KIAA0930: variants seen among roughly 807,000 people sequenced by gnomAD.
KIAA0930 encodes KIAA0930, also known as uncharacterized protein KIAA0930.
Under a neutral mutation model 43.9 loss-of-function variants are expected in KIAA0930, and 24 were observed. That is an observed-to-expected ratio of 0.55 (90% CI 0.40 to 0.77). The LOEUF is 0.77. Among genes scored for constraint, KIAA0930 ranks in the 30% least tolerant of loss-of-function variants. KIAA0930 has a pLI of 0.00. For synonymous variants in KIAA0930, 259 were observed against 216.4 expected (o/e 1.20, Z -1.73); for missense variants, 461 against 574.2 (o/e 0.80, Z 2.02).
At chr22:45,233,877 C>A (rs183992742) in intron 1 of KIAA0930, among the ~76,000 whole-genome samples, 41 of 152,322 alleles carry the variant, frequency 2.7e-4, no homozygotes, top group Admixed American at 2.7e-3. Flanking sequence ...CTTGGCCCTG[C>A]CTAGCCCAGC....
In KIAA0930 at chr22:45,193,531, T is replaced by A. The variant is rs1012718832; in HGVS notation, c.*3645A>T. 2.0e-5 allele frequency: 3 copies of A among 152,190 alleles called. No homozygotes were observed. Among genetic ancestry groups the A allele is most frequent in the Non-Finnish European group, 4.4e-5 (3 of 68,030 alleles). 9.4% of individuals were successfully genotyped at this position (152,190 alleles called of 1,614,324 possible). On this transcript the variant is annotated 3_prime_UTR_variant, in exon 10 of 10. Coordinates refer to ENST00000336156, the MANE Select transcript of KIAA0930 (RefSeq NM_001009880.2). ...CCTGGTTTGAGTGCAGGTACATTCT[T>A]TGGGGGAGGGCACCTCAGGAACATG...
intron 1 of KIAA0930, among the ~76,000 whole-genome samples, chr22:45,222,293 GATCA>G (rs148513301): frequency 0.02 from 3,096 of 152,258 alleles, 102 homozygotes; most frequent in African/African-American, 0.07. Flanking sequence ...GGAGAAGAAT[GATCA>G]ATCAAACTAT....
chr22:45,210,700 C>T (rs1210515839), intron 2 of KIAA0930, among the ~76,000 whole-genome samples: 1 of 152,194 alleles, frequency 6.6e-6, no homozygotes, highest in African/African-American at 2.4e-5. Flanking sequence ...GGTTCTTACT[C>T]GGGGATCCCA....
Position 45,205,434 on chromosome 22 carries a change from C to T in KIAA0930, c.415-116G>A, listed in dbSNP as rs1439672068. On this transcript the variant is annotated intron_variant, in intron 4 of 9. Coordinates refer to ENST00000336156, the MANE Select transcript of KIAA0930 (RefSeq NM_001009880.2). ...CCCAGAGCCAGTCCAAAGCCAGAGACCTACCAGGAGATGTGGGGGATAAGC... is the reference window on the plus strand; with the variant it reads ...CCCAGAGCCAGTCCAAAGCCAGAGATCTACCAGGAGATGTGGGGGATAAGC... 3.1e-6 allele frequency: 3 copies of T among 970,734 alleles called. No individual in the cohort carries two copies. In the East Asian group the frequency reaches 7.3e-5, roughly 24 times the overall value. The allele number at this position is 970,734 out of a possible 1,614,324, so 60.1% of individuals were successfully genotyped here. A position where few individuals can be genotyped will look rare whatever the true frequency, so the allele number is the denominator to read the frequency against.
intron 1 of KIAA0930, among the ~76,000 whole-genome samples, chr22:45,212,832 C>T (rs929333677): frequency 3.3e-5 from 5 of 152,224 alleles, no homozygotes; most frequent in African/African-American, 9.7e-5. Context: ...GGACAATGGG[C>T]GGGGGCTCTG....
At position 45,194,573 on chromosome 22, in the gene KIAA0930, C is replaced by G. The variant is rs906696654; in HGVS notation, c.*2603G>C. 1 of 152,158 alleles carries G rather than the reference C, an allele frequency of 6.6e-6. No homozygotes were observed. Among genetic ancestry groups the G allele is most frequent in the African/African-American group, 2.4e-5 (1 of 41,428 alleles). 9.4% of individuals were successfully genotyped at this position (152,158 alleles called of 1,614,324 possible). ...TGGTCTTACAAGAAGTACAAATGTG[C>G]CAACACCAGGACTTTGGGGACCCTG... On this transcript the variant is annotated 3_prime_UTR_variant, in exon 10 of 10. Coordinates refer to ENST00000336156, the MANE Select transcript of KIAA0930 (RefSeq NM_001009880.2).
At chr22:45,238,740 C>T (rs141458068) in intron 1 of KIAA0930, among the ~76,000 whole-genome samples, 142 of 152,156 alleles carry the variant, frequency 9.3e-4, no homozygotes, top group African/African-American at 2.9e-3. Flanking sequence ...AAGGAAACAG[C>T]GTGAGTATCG....
rs986674608 is a variant in KIAA0930 at position 45,205,412 on chromosome 22, A to C, written c.415-94T>G. 5.3e-6 allele frequency: 6 copies of C among 1,142,628 alleles called. No homozygotes were observed. The East Asian group carries it at 1.4e-4, about 27-fold the overall frequency. 70.8% of individuals were successfully genotyped at this position (1,142,628 alleles called of 1,614,324 possible). ...CCAGTATAGGGAGGCCACCCGGCCC[A>C]GAGCCAGTCCAAAGCCAGAGACCTA... On this transcript the variant is annotated intron_variant, in intron 4 of 9. Transcript: ENST00000336156.
intron 1 of KIAA0930, among the ~76,000 whole-genome samples, chr22:45,221,171 C>T (rs145523546): frequency 5.5e-4 from 84 of 152,328 alleles, no homozygotes; most frequent in Non-Finnish European, 9.6e-4. Context: ...TATCCCACTT[C>T]CAGCTTGATT....
At chr22:45,199,058 G>A (rs1211721384) in intron 8 of KIAA0930, among the ~76,000 whole-genome samples, 4 of 152,232 alleles carry the variant, frequency 2.6e-5, no homozygotes, top group Admixed American at 1.3e-4. Context: ...TGCCAGCAGA[G>A]CATGGCAGAA....
chr22:45,208,350 C>G lies in KIAA0930; in HGVS notation c.217-2438G>C, dbSNP rs60215523. 6.9e-3 allele frequency among the ~76,000 whole-genome samples: 1,032 copies of G among 149,760 alleles called. 38 individuals carry two copies. Among genetic ancestry groups the G allele is most frequent in the African/African-American group, 0.024 (977 of 40,864 alleles). On this transcript the variant is annotated intron_variant, in intron 2 of 9. Transcript: ENST00000336156. The stretch of plus-strand genomic sequence containing the variant: ...CACACACATGAGCTGTGAGAACAGG[C>G]AGAACCACCGACTCCACATGCACGA...
intron 8 of KIAA0930, 117 bp downstream of exon 8, chr22:45,199,756 C>G: frequency 9.0e-7 from 1 of 1,113,564 alleles, no homozygotes; most frequent in Non-Finnish European, 1.2e-6. Context: ...ATGGCACCCA[C>G]TCTCTAAGTG....
At chr22:45,238,612 C>A (rs569042197) in intron 1 of KIAA0930, among the ~76,000 whole-genome samples, 20 of 152,112 alleles carry the variant, frequency 1.3e-4, no homozygotes, top group African/African-American at 3.4e-4. Context: ...TGAGTAGGGG[C>A]GGCTTTCCGG....
intron 1 of KIAA0930, among the ~76,000 whole-genome samples, chr22:45,222,333 TGAGACAG>T (rs1212526414): frequency 6.6e-6 from 1 of 152,204 alleles, no homozygotes; most frequent in Non-Finnish European, 1.5e-5. Flanking sequence ...TTCTCTTATT[TGAGACAG>T]GGTCCCACTC....
intron 1 of KIAA0930, among the ~76,000 whole-genome samples, chr22:45,225,336 T>C (rs556962257): frequency 7.9e-5 from 12 of 152,132 alleles, no homozygotes; most frequent in Admixed American, 3.9e-4. Flanking sequence ...AGCTGGACCA[T>C]TGAGTCCCCA....
chr22:45,238,874 G>GGCTC (rs1555901525), intron 1 of KIAA0930, among the ~76,000 whole-genome samples: 1 of 145,394 alleles, frequency 6.9e-6, no homozygotes, highest in Non-Finnish European at 1.5e-5. Context: ...TCCCTGGGCA[G>GGCTC]GCTCTCTCTC....
chr22:45,199,311 A>ACAGACAAC (rs2083565094), intron 8 of KIAA0930, among the ~76,000 whole-genome samples: 2 of 152,166 alleles, frequency 1.3e-5, no homozygotes, highest in African/African-American at 4.8e-5. Flanking sequence ...ACTAAGGGGC[A>ACAGACAAC]TGGTAACACC....
intron 2 of KIAA0930, among the ~76,000 whole-genome samples, chr22:45,208,062 G>T (rs2083654653): frequency 6.6e-6 from 1 of 152,170 alleles, no homozygotes; most frequent in African/African-American, 2.4e-5. Context: ...GAAAGAGCAG[G>T]TTCCCCATCA....
intron 1 of KIAA0930, among the ~76,000 whole-genome samples, chr22:45,233,671 G>A (rs1359297915): frequency 1.3e-5 from 2 of 152,146 alleles, no homozygotes; most frequent in Non-Finnish European, 2.9e-5. Context: ...AGGGTGGGCA[G>A]GACAGCCGGG....
Sources: gnomAD v4.1 joint callset for allele counts (sites outside exome capture counted in the v4.1 genomes callset) on GRCh38, gnomAD v4.1.1 for gene constraint, MANE v1.5 for transcripts, NCBI Gene and HGNC (gene_info 2026-07-23, HGNC 2026-07-21) for gene names.